Variants in GLT1D1 observed in about 807,000 individuals in gnomAD.
GLT1D1 encodes glycosyltransferase 1 domain containing 1.
In GLT1D1, 21 loss-of-function variants were observed where a neutral mutation model predicts 28.7. The observed-to-expected ratio is 0.73, with a 90% CI of 0.52 to 1.05. GLT1D1 has a LOEUF of 1.05. GLT1D1 is among the 50% of genes least tolerant of loss of function. The pLI, the probability that GLT1D1 is intolerant of heterozygous loss-of-function variation, is 0.00. For missense variants in GLT1D1, 343 were observed against 330.6 expected, an observed-to-expected ratio of 1.04 and a Z score of -0.29; for synonymous variants, 147 against 124.8, an observed-to-expected ratio of 1.18 and a Z score of -1.19.
intron 1 of GLT1D1, among the ~76,000 whole-genome samples, chr12:128,862,964 C>T (rs781202895): frequency 2.6e-4 from 39 of 152,144 alleles, no homozygotes; most frequent in Admixed American, 2.0e-4. Flanking sequence ...TGAATAGAGC[C>T]GACCTAGTTC....
chr12:128,934,228 G>T (rs368445704), intron 4 of GLT1D1, among the ~76,000 whole-genome samples: 2 of 140,194 alleles, frequency 1.4e-5, no homozygotes, highest in African/African-American at 5.3e-5. Flanking sequence ...TTTTTAGATG[G>T]AGTGTTGCTC....
At chr12:128,982,897 AT>A in intron 7 of GLT1D1, 31 bp from the exon 12 acceptor site, 4 of 1,610,078 alleles carry the variant, frequency 2.5e-6, no homozygotes, top group Non-Finnish European at 3.4e-6. Flanking sequence ...TTCATCAGTG[AT>A]TTATGTCTAC....
rs61169176 is a variant in GLT1D1, at chr12:128,973,179, G to GTTTTTTTTTTTTTTTTTTTTTTT, written c.640-9745_640-9723dup. 1.6e-3 allele frequency among the ~76,000 whole-genome samples: 80 copies of GTTTTTTTTTTTTTTTTTTTTTTT among 50,990 alleles called. 17 individuals carry two copies. Among genetic ancestry groups the GTTTTTTTTTTTTTTTTTTTTTTT allele is most frequent in the Non-Finnish European group, 2.7e-3 (68 of 24,894 alleles). 33.5% of individuals were successfully genotyped at this position (50,990 alleles called of 152,430 possible). On this transcript the variant is annotated intron_variant, in intron 7 of 7. Transcript: ENST00000281703. ...CTTTTCTGTTTTGTTTGTTTGCTTG[G>GTTTTTTTTTTTTTTTTTTTTTTT]TTTTTTTTTTTTTTTTTTTTTTTTT...
intron 3 of GLT1D1, among the ~76,000 whole-genome samples, chr12:128,892,189 G>C (rs1869136941): frequency 6.6e-6 from 1 of 152,136 alleles, no homozygotes; most frequent in Non-Finnish European, 1.5e-5. Context: ...AGGGAGGTTT[G>C]CCCTTAGCAG....
intron 1 of GLT1D1, among the ~76,000 whole-genome samples, chr12:128,865,965 G>A (rs912354931): frequency 6.6e-6 from 1 of 152,148 alleles, no homozygotes; most frequent in Non-Finnish European, 1.5e-5. Flanking sequence ...AAAGTATACA[G>A]GAGGATGTGT....
intron 4 of GLT1D1, among the ~76,000 whole-genome samples, chr12:128,922,564 A>T (rs796151546): frequency 6.6e-6 from 1 of 152,224 alleles, no homozygotes; most frequent in South Asian, 2.1e-4. Flanking sequence ...TCTAGCTTAG[A>T]CTTTTGGTCA....
At chr12:128,856,958 C>T (rs188246382) in intron 1 of GLT1D1, among the ~76,000 whole-genome samples, 4 of 152,122 alleles carry the variant, frequency 2.6e-5, no homozygotes, top group Admixed American at 1.3e-4. Flanking sequence ...GAGAAGACTC[C>T]GTTTCAAAAA....
At chr12:128,874,118 CTCTCTCTCTT>C (rs1415091882) in intron 1 of GLT1D1, among the ~76,000 whole-genome samples, 176 of 63,994 alleles carry the variant, frequency 2.8e-3, no homozygotes, top group East Asian at 4.3e-3. Context: ...CTCTCTCTCT[CTCTCTCTCTT>C]TCTTTCTTTC....
In GLT1D1 at chr12:128,982,332, C is replaced by T. The variant is rs574409384; in HGVS notation, c.640-597C>T. Among the ~76,000 whole-genome samples, 32 of 152,300 alleles carry T rather than the reference C, an allele frequency of 2.1e-4. No homozygotes were observed. The East Asian group carries it at 5.8e-3, about 28-fold the overall frequency. On this transcript the variant is annotated intron_variant, in intron 7 of 7. Coordinates refer to ENST00000281703, the MANE Select transcript of GLT1D1 (RefSeq NM_144669.3). Reference sequence around the variant, plus strand: ...AGAGGCTCACTAGCTTGCCCAAGGCCACACAGCAAAGTGAGGTCGTTCAGA... The same window carrying T: ...AGAGGCTCACTAGCTTGCCCAAGGCTACACAGCAAAGTGAGGTCGTTCAGA...
chr12:128,854,190 C>A (rs1956146970), intron 1 of GLT1D1, among the ~76,000 whole-genome samples: 1 of 151,828 alleles, frequency 6.6e-6, no homozygotes, highest in African/African-American at 2.4e-5. Context: ...TCTTTTTCTG[C>A]CTTTGTCTTA....
chr12:128,954,943 G>C (rs1877122050), intron 6 of GLT1D1, among the ~76,000 whole-genome samples: 1 of 152,192 alleles, frequency 6.6e-6, no homozygotes, highest in Admixed American at 6.5e-5. Flanking sequence ...AACAGAGTGA[G>C]ACCCTGTCCC....
intron 4 of GLT1D1, among the ~76,000 whole-genome samples, chr12:128,910,567 G>A (rs1325723042): frequency 6.6e-6 from 1 of 152,014 alleles, no homozygotes; most frequent in Non-Finnish European, 1.5e-5. Flanking sequence ...AACACTCCAA[G>A]CCTCCACTAC....
chr12:128,957,478 G>T, intron 6 of GLT1D1, 67 bp from the exon 11 acceptor site: 1 of 1,064,204 alleles, frequency 9.4e-7, no homozygotes, highest in South Asian at 1.3e-5. Flanking sequence ...GCCCCGCCCT[G>T]ACTCATCTTG....
chr12:128,933,472 A>G (rs897395019), intron 4 of GLT1D1, among the ~76,000 whole-genome samples: 10 of 152,256 alleles, frequency 6.6e-5, no homozygotes, highest in Non-Finnish European at 8.8e-5. Context: ...GTTCTATTCT[A>G]CGTCATTTTG....
intron 1 of GLT1D1, among the ~76,000 whole-genome samples, chr12:128,866,483 C>T (rs748896159): frequency 1.3e-5 from 2 of 151,892 alleles, no homozygotes; most frequent in Non-Finnish European, 2.9e-5. Context: ...TATTCCTCCT[C>T]CTGCCCCCCA....
At chr12:128,958,586 C>CAAAAAAA (rs1164628353) in intron 7 of GLT1D1, among the ~76,000 whole-genome samples, 6 of 74,434 alleles carry the variant, frequency 8.1e-5, no homozygotes, top group East Asian at 4.7e-4. Context: ...ATTAAAAAGA[C>CAAAAAAA]AAAAAAAAAA....
At chr12:128,899,353 A>G (rs951048242) in intron 4 of GLT1D1, 66 bp downstream of exon 4, 11 of 1,349,502 alleles carry the variant, frequency 8.2e-6, no homozygotes, top group Non-Finnish European at 1.2e-5. Flanking sequence ...GAGAACCGAA[A>G]GGCAGCCTTA....
In GLT1D1 at chr12:128,903,661, C is replaced by T. The variant is rs115734363; in HGVS notation, c.375+4374C>T. 5.8e-3 allele frequency among the ~76,000 whole-genome samples: 880 copies of T among 151,800 alleles called. 41 individuals carry two copies. Among genetic ancestry groups the T allele is most frequent in the African/African-American group, 0.02 (825 of 41,172 alleles). ...AGAATAGTATATACTGTCTCAGGCCCGGTGAATATCCTTTAAATTGATTGA... is the reference window on the plus strand; with the variant it reads ...AGAATAGTATATACTGTCTCAGGCCTGGTGAATATCCTTTAAATTGATTGA... On this transcript the variant is annotated intron_variant, in intron 4 of 7. Transcript: ENST00000281703.
chr12:128,927,109 G>T, intron 4 of GLT1D1: 2 of 1,535,670 alleles, frequency 1.3e-6, no homozygotes. Context: ...CCCAAGCCTG[G>T]CATCAGGAGG....
Sources: allele counts gnomAD v4.1 joint callset (sites outside exome capture counted in the v4.1 genomes callset), GRCh38; gene constraint gnomAD v4.1.1; transcripts MANE v1.5; gene names NCBI Gene and HGNC (gene_info 2026-07-23, HGNC 2026-07-21).